Variants in KIF24 observed in about 807,000 individuals in gnomAD.
KIF24 encodes the protein kinesin family member 24.
In KIF24, 81 loss-of-function variants were observed where a neutral mutation model predicts 118.9. The ratio of observed to expected loss-of-function variants is 0.68; its 90% CI spans 0.57 to 0.82. KIF24 has a LOEUF of 0.82. KIF24 is among the 40% of genes least tolerant of loss of function. KIF24 has a pLI of 0.00. For synonymous variants in KIF24, 599 were observed against 610.0 expected (o/e 0.98, Z 0.27); for missense variants, 1,560 against 1,661.6 (o/e 0.94, Z 1.06).
chr9:34,294,831 A>G (rs1232595931), intron 4 of KIF24, among the ~76,000 whole-genome samples: 1 of 152,208 alleles, frequency 6.6e-6, no homozygotes. Context: ...GTCAGTGGTT[A>G]CCTAAGACCT....
upstream of KIF24, among the ~76,000 whole-genome samples, chr9:34,330,560 T>G (rs1401544384): frequency 6.6e-6 from 1 of 152,268 alleles, no homozygotes; most frequent in Non-Finnish European, 1.5e-5. Context: ...GTTCCCTTTC[T>G]ACTCTTCTGA....
intron 1 of KIF24, among the ~76,000 whole-genome samples, chr9:34,317,149 T>C (rs1245615382): frequency 1.3e-5 from 2 of 150,090 alleles, no homozygotes; most frequent in Non-Finnish European, 3.0e-5. Flanking sequence ...ACCGGGAAAG[T>C]GGAGGTTGCG....
intron 8 of KIF24, among the ~76,000 whole-genome samples, chr9:34,265,856 A>T (rs1587918869): frequency 6.6e-6 from 1 of 152,066 alleles, no homozygotes; most frequent in Non-Finnish European, 1.5e-5. Flanking sequence ...AATTTTATTT[A>T]TTTTTTTAAT....
intron 6 of KIF24, among the ~76,000 whole-genome samples, chr9:34,273,528 A>G (rs1835580739): frequency 3.5e-5 from 2 of 56,426 alleles, no homozygotes; most frequent in Admixed American, 4.2e-4. Flanking sequence ...GCCCTTGGTG[A>G]AACAGTCCCC....
intron 1 of KIF24, chr9:34,319,135 C>T (rs1386957598): frequency 3.2e-6 from 5 of 1,551,712 alleles, no homozygotes; most frequent in African/African-American, 2.7e-5. Context: ...GCCTCTACAA[C>T]TACTATGACA....
Position 34,306,296 on chromosome 9 carries a change from G to T in KIF24, c.769C>A (p.His257Asn). Residue 257 changes from histidine to asparagine, a missense_variant, in exon 3 of 13, where the codon CAT becomes AAT. Physicochemically the swap from His to Asn is moderately conservative, Grantham distance 68. Around this residue, in one of 3 missense-constraint regions of KIF24, gnomAD observed 964 missense variants for 988.0 expected, o/e 0.98. Transcript: ENST00000402558. ...TVEDKETLLV[H>N]EKKEAVDLTQ... ...AGGTCAACTGCTTCTTTCTTCTCAT[G>T]CACAAGTAGAGTTTCTTTGTCTTCT... The T allele has an allele frequency of 6.2e-7, 1 of 1,609,730 alleles. No homozygotes were observed. The highest frequency in any genetic ancestry group is 2.2e-5 in the East Asian group (1 of 44,850).
At chr9:34,259,568 A>C (rs748354928) in intron 10 of KIF24, 28 bp downstream of exon 10, 9 of 1,559,448 alleles carry the variant, frequency 5.8e-6, no homozygotes, top group Non-Finnish European at 4.4e-6. Context: ...ACACTTACAC[A>C]CAACCTGCCA....
upstream of KIF24, chr9:34,329,687 C>G (rs142195219): frequency 7.9e-3 from 1,199 of 152,602 alleles, 12 homozygotes; most frequent in Non-Finnish European, 0.013. Flanking sequence ...TGGCAAACCT[C>G]TGGTCGCTGC....
At chr9:34,295,901 G>A (rs950864372) in intron 4 of KIF24, among the ~76,000 whole-genome samples, 3 of 151,408 alleles carry the variant, frequency 2.0e-5, no homozygotes, top group East Asian at 2.0e-4. Flanking sequence ...CCCATTCAAC[G>A]TTTATTAAGT....
At chr9:34,314,264 A>C (rs1837267114) in intron 1 of KIF24, among the ~76,000 whole-genome samples, 1 of 152,068 alleles carries the variant, frequency 6.6e-6, no homozygotes, top group Non-Finnish European at 1.5e-5. Flanking sequence ...CCCGAGTTCA[A>C]GCAATTCCCA....
intron 3 of KIF24, 116 bp from the exon 4 acceptor site, chr9:34,297,230 T>C (rs1232549725): frequency 2.0e-5 from 12 of 596,152 alleles, no homozygotes; most frequent in Non-Finnish European, 3.3e-5. Flanking sequence ...TAACTGACCA[T>C]ATCAAACTTA....
chr9:34,253,455 G>C lies in KIF24; in HGVS notation c.*925C>G, dbSNP rs528481120. ...TCTGTTTCAGAGGCCTCAGACTGTTGAACAGAGCACTCTGTTCAACTGCCA... is the reference window on the plus strand; with the variant it reads ...TCTGTTTCAGAGGCCTCAGACTGTTCAACAGAGCACTCTGTTCAACTGCCA... On this transcript the variant is annotated 3_prime_UTR_variant, in exon 13 of 13. Coordinates refer to ENST00000402558, the MANE Select transcript of KIF24 (RefSeq NM_194313.4). The C allele has an allele frequency of 2.3e-4, 35 of 152,336 alleles. No individual in the cohort carries two copies. Among genetic ancestry groups the C allele is most frequent in the African/African-American group, 7.9e-4 (33 of 41,554 alleles). The allele number at this position is 152,336 out of a possible 1,614,324, so 9.4% of individuals were successfully genotyped here. A position where few individuals can be genotyped will look rare whatever the true frequency, so the allele number is the denominator to read the frequency against.
At position 34,257,398 on chromosome 9, in the gene KIF24, T is replaced by C; in HGVS notation, c.2209A>G (p.Ser737Gly). ...AHHRAEYSQDSQRGTPARPAS... is the reference protein window; with the variant it reads ...AHHRAEYSQDGQRGTPARPAS... ...GGCCTAGCAGGCGTGCCCCTCTGGCTGTCTTGACTGTACTCAGCCCTGTGG... is the reference window on the plus strand; with the variant it reads ...GGCCTAGCAGGCGTGCCCCTCTGGCCGTCTTGACTGTACTCAGCCCTGTGG... The change falls in exon 11 of 13, where the codon AGC (serine) becomes GGC (glycine). Residue 737 changes from serine (S) to glycine (G), a missense_variant. This residue lies in a region of KIF24 where 964 missense variants were observed against 988.0 expected (regional missense o/e 0.98). Transcript: ENST00000402558. The C allele has an allele frequency of 1.2e-6, 2 of 1,614,084 alleles. No homozygotes were observed. The highest frequency in any genetic ancestry group is 1.7e-6 in the Non-Finnish European group (2 of 1,179,910).
rs529700861 is a variant in KIF24, at chr9:34,256,157, T to C, written c.3450A>G (p.Leu1150=). 3.7e-5 allele frequency: 60 copies of C among 1,606,206 alleles called. 1 individual carries two copies. The South Asian group carries it at 6.3e-4, about 17-fold the overall frequency. Residue 1150 remains leucine (L), a synonymous_variant, in exon 11 of 13, where the codon CTA becomes CTG. Transcript: ENST00000402558. ...ADKLPSREAD[L]GEACQSRETV... Reference sequence around the variant, plus strand: ...TCTCTCTGCTCTGGCAGGCCTCTCCTAGGTCTGCCTCCCTGCTGGGCAGCT... The same window carrying C: ...TCTCTCTGCTCTGGCAGGCCTCTCCCAGGTCTGCCTCCCTGCTGGGCAGCT...
At chr9:34,293,637 G>GT (rs1836343590) in intron 4 of KIF24, among the ~76,000 whole-genome samples, 1 of 151,986 alleles carries the variant, frequency 6.6e-6, no homozygotes. Context: ...TTAGCTGGGC[G>GT]TGGTGGCGGG....
At chr9:34,273,363 C>A (rs1166520175) in intron 6 of KIF24, among the ~76,000 whole-genome samples, 1 of 134,954 alleles carries the variant, frequency 7.4e-6, no homozygotes, top group Admixed American at 7.9e-5. Context: ...ATGGTAATTG[C>A]CAGCAATGAA....
chr9:34,286,565 C>T, intron 6 of KIF24, 52 bp downstream of exon 6: 1 of 1,305,490 alleles, frequency 7.7e-7, no homozygotes, highest in South Asian at 1.2e-5. Flanking sequence ...TGAATTTGTT[C>T]CCTGTACTTA....
chr9:34,290,067 C>G, intron 5 of KIF24, 107 bp downstream of exon 5: 1 of 707,056 alleles, frequency 1.4e-6, no homozygotes, highest in Non-Finnish European at 2.4e-6. Context: ...CAAAAGGGCA[C>G]TAATGTACCA....
intron 1 of KIF24, chr9:34,319,632 G>A: frequency 1.1e-6 from 1 of 882,448 alleles, no homozygotes; most frequent in Non-Finnish European, 1.9e-6. Context: ...GCCTAAGGTT[G>A]ACAAGATGCA....
Sources: gnomAD v4.1 joint callset for allele counts (sites outside exome capture counted in the v4.1 genomes callset) on GRCh38, gnomAD v4.1.1 for gene constraint, gnomAD v4.1.1 regional missense constraint, MANE v1.5 for transcripts, NCBI Gene and HGNC (gene_info 2026-07-23, HGNC 2026-07-21) for gene names.